The following SH2D1A variants were observed in gnomAD, a reference collection of about 807,000 sequenced individuals.
SH2D1A encodes SH2 domain-containing protein 1A.
In SH2D1A, 6 loss-of-function variants were observed where a neutral mutation model predicts 10.1. The ratio of observed to expected loss-of-function variants is 0.60; its 90% confidence interval spans 0.33 to 1.18. SH2D1A has a LOEUF of 1.18. SH2D1A is among the 50% of genes most tolerant of loss of function. The pLI, the probability that SH2D1A is intolerant of heterozygous loss-of-function variation, is 0.04. For synonymous variants in SH2D1A, 42 were observed against 36.9 expected (o/e 1.14, Z -0.51); for missense variants, 51 against 97.6 (o/e 0.52, Z 2.01).
At chrX:124,359,977 C>A (rs951185718) in intron 1 of SH2D1A, among the ~76,000 whole-genome samples, 3 of 110,474 alleles carry the variant, frequency 2.7e-5, no homozygotes, top group Non-Finnish European at 3.8e-5. Flanking sequence ...GCGATCTCAG[C>A]GCACCGTAAC....
At chrX:124,363,823 G>A (rs190418485) in intron 1 of SH2D1A, among the ~76,000 whole-genome samples, 5 of 102,813 alleles carry the variant, frequency 4.9e-5, no homozygotes, top group South Asian at 9.3e-4. Context: ...CCCGGGAGGC[G>A]GAGGTTGCAG....
chrX:124,351,804 A>G (rs2060015807), intron 1 of SH2D1A, among the ~76,000 whole-genome samples: 1 of 110,806 alleles, frequency 9.0e-6, no homozygotes, highest in Non-Finnish European at 1.9e-5. Context: ...GTGTATATAT[A>G]TATATGTGCA....
chrX:124,372,482 G>A lies in SH2D1A; in HGVS notation c.*1091G>A. On this transcript the variant is annotated 3_prime_UTR_variant, in exon 4 of 4. Transcript: ENST00000371139. Reference sequence around the variant, plus strand: ...TCTTGTTGGACGAGAAAACAATAACGATAAAAGACAGTGAAAGAAAATAAC... The same window carrying A: ...TCTTGTTGGACGAGAAAACAATAACAATAAAAGACAGTGAAAGAAAATAAC... 5.8e-6 allele frequency: 1 copy of A among 172,192 alleles called. No homozygotes were observed. 14.2% of individuals were successfully genotyped at this position (172,192 alleles called of 1,213,427 possible).
At chrX:124,369,900 G>T (rs1332174429) in intron 2 of SH2D1A, among the ~76,000 whole-genome samples, 2 of 111,381 alleles carry the variant, frequency 1.8e-5, no homozygotes, top group Non-Finnish European at 3.8e-5. Context: ...CTGATGGGGA[G>T]CAGGCAGGAA....
intron 1 of SH2D1A, among the ~76,000 whole-genome samples, chrX:124,356,512 A>G (rs754409891): frequency 2.1e-3 from 231 of 112,370 alleles, no homozygotes; most frequent in African/African-American, 7.2e-3. Flanking sequence ...CAGTGGTGTG[A>G]TCTCAGCTCA....
intron 3 of SH2D1A, 32 bp from the exon 4 acceptor site, chrX:124,371,319 A>AT (rs773151816): frequency 3.0e-6 from 3 of 1,014,376 alleles, no homozygotes; most frequent in Admixed American, 2.3e-5. Flanking sequence ...TTGTAAGTTT[A>AT]TTTTTTCTTG....
rs1456422198 is a variant in SH2D1A at position 124,360,450 on chromosome X, A to G, written c.138-5311A>G. Among the ~76,000 whole-genome samples, 3 of 97,874 alleles carry G rather than the reference A, an allele frequency of 3.1e-5. No individual in the cohort carries two copies. In the East Asian group the frequency reaches 9.3e-4, roughly 30 times the overall value. 85.0% of individuals were successfully genotyped at this position (97,874 alleles called of 115,157 possible). A position where few individuals can be genotyped will look rare whatever the true frequency, so the allele number is the denominator to read the frequency against. On this transcript the variant is annotated intron_variant, in intron 1 of 3. Transcript: ENST00000371139. Reference sequence around the variant, plus strand: ...GACCCTGTCTCTGCAAAAACTAAAAAAAAAAAAAAAAAAAAAAAAAAATTA... The same window carrying G: ...GACCCTGTCTCTGCAAAAACTAAAAGAAAAAAAAAAAAAAAAAAAAAATTA...
chrX:124,367,712 C>A (rs1201334662), intron 2 of SH2D1A: 1 of 111,640 alleles, frequency 9.0e-6, no homozygotes, highest in Non-Finnish European at 1.9e-5. Flanking sequence ...CCTGGCCCCA[C>A]TGAATTATGA....
At chrX:124,355,659 G>T (rs1041317840) in intron 1 of SH2D1A, among the ~76,000 whole-genome samples, 33 of 111,881 alleles carry the variant, frequency 2.9e-4, no homozygotes, top group Admixed American at 7.6e-4. Context: ...TTTATGAGTT[G>T]TGATTTGCTT....
intron 1 of SH2D1A, chrX:124,353,142 A>T (rs1569527349): frequency 6.7e-6 from 1 of 148,358 alleles, no homozygotes; most frequent in South Asian, 1.4e-4. Flanking sequence ...TGTATCAAAA[A>T]TTTTTTTGAA....
chrX:124,367,686 T>A (rs2060059253), intron 2 of SH2D1A: 1 of 111,602 alleles, frequency 9.0e-6, no homozygotes, highest in Non-Finnish European at 1.9e-5. Context: ...TTTTAAAGAG[T>A]GTAATGAAAT....
chrX:124,364,952 T>C (rs747897228), intron 1 of SH2D1A, among the ~76,000 whole-genome samples: 1 of 110,904 alleles, frequency 9.0e-6, no homozygotes, highest in East Asian at 2.8e-4. Context: ...TCTTTTATAC[T>C]ATATTTTACT....
intron 1 of SH2D1A, among the ~76,000 whole-genome samples, chrX:124,353,542 T>C (rs148459479): frequency 0.026 from 2,845 of 111,189 alleles, 101 homozygotes; most frequent in East Asian, 0.24. Context: ...TTCTTTTCAC[T>C]GAGGTACATA....
Position 124,371,350 on chromosome X carries a change from G to T in SH2D1A, c.347-1G>T. The T allele has an allele frequency of 8.7e-7, 1 of 1,154,398 alleles. No homozygotes were observed. The highest frequency in any genetic ancestry group is 1.8e-5 in the African/African-American group (1 of 56,156). On this transcript the variant is annotated splice_acceptor_variant, in intron 3 of 3. Coordinates refer to ENST00000371139, the MANE Select transcript of SH2D1A (RefSeq NM_002351.5). LOFTEE classifies it high-confidence loss of function. The stretch of plus-strand genomic sequence containing the variant: ...TCTTGATTTTTGTTATTTTTCTTTA[G>T]GGATAAGAGAAGATCCTGATGTCTG...
rs972136138 is a variant in SH2D1A, at chrX:124,366,742, G to C, written c.201+918G>C. ...CATTAAAACTATAATACTAACTAAA[G>C]ATAAAGTTATACCATTTCTAATTGA... is the stretch of plus-strand genomic sequence containing the variant. On this transcript the variant is annotated intron_variant, in intron 2 of 3. Transcript: ENST00000371139. Among the ~76,000 whole-genome samples, 7 of 110,554 alleles carry C rather than the reference G, an allele frequency of 6.3e-5. No individual in the cohort carries two copies. In the South Asian group the frequency reaches 2.7e-3, roughly 43 times the overall value.
intron 2 of SH2D1A, among the ~76,000 whole-genome samples, chrX:124,367,112 G>A (rs1338111663): frequency 8.9e-6 from 1 of 111,771 alleles, no homozygotes; most frequent in Non-Finnish European, 1.9e-5. Flanking sequence ...TTAAAGAAGA[G>A]AGGGCTTATT....
intron 1 of SH2D1A, among the ~76,000 whole-genome samples, chrX:124,351,041 TTA>T (rs1288167144): frequency 9.9e-5 from 9 of 90,651 alleles, no homozygotes; most frequent in African/African-American, 2.0e-4. Context: ...TATATATATT[TTA>T]TATATATTAT....
intron 1 of SH2D1A, 44 bp downstream of exon 1, chrX:124,346,823 G>C: frequency 8.3e-7 from 1 of 1,204,141 alleles, no homozygotes; most frequent in Non-Finnish European, 1.1e-6. Context: ...GGGTGTGGGC[G>C]GTGGGCAACA....
At chrX:124,365,865 G>A (rs1202842752) in intron 2 of SH2D1A, 41 bp downstream of exon 2, 3 of 854,812 alleles carry the variant, frequency 3.5e-6, no homozygotes, top group Non-Finnish European at 5.2e-6. Context: ...GTGTCAAGGA[G>A]GTATTTGAAA....
Sources: gnomAD v4.1 joint callset for allele counts (sites outside exome capture counted in the v4.1 genomes callset) on GRCh38, gnomAD v4.1.1 for gene constraint, MANE v1.5 for transcripts, NCBI Gene and HGNC (gene_info 2026-07-23, HGNC 2026-07-21) for gene names.